The following PDGFD variants were observed in gnomAD, a reference collection of about 807,000 sequenced individuals.
PDGFD encodes the protein platelet-derived growth factor D.
Under a neutral mutation model 44.7 loss-of-function variants are expected in PDGFD, and 30 were observed. The ratio of observed to expected loss-of-function variants is 0.67; its 90% confidence interval spans 0.50 to 0.91. The LOEUF (loss-of-function observed/expected upper bound fraction) is 0.91. Ranked by LOEUF, PDGFD falls within the 40% of genes least tolerant of loss-of-function variation. The pLI is 0.00. For synonymous variants in PDGFD, 173 were observed against 168.4 expected, an observed-to-expected ratio of 1.03 and a Z score of -0.21; for missense variants, 445 against 457.8, an observed-to-expected ratio of 0.97 and a Z score of 0.25.
Position 103,996,129 on chromosome 11 carries a change from A to AT in PDGFD, c.445dup (p.Ile149AsnfsTer7). The AT allele has an allele frequency of 6.2e-7, 1 of 1,613,808 alleles. No homozygotes were observed. Among genetic ancestry groups the AT allele is most frequent in the Non-Finnish European group, 8.5e-7 (1 of 1,179,824 alleles). ...AAAGTAGTCATCGGACTTGAATGTG[A>AT]TTTTAATTTGGTTCGTTCTTGATTT... On this transcript the variant is annotated frameshift_variant, in exon 3 of 7. Transcript: ENST00000393158. LOFTEE classifies it high-confidence loss of function.
At chr11:103,934,021 T>C (rs1293641663) in intron 5 of PDGFD, among the ~76,000 whole-genome samples, 1 of 152,214 alleles carries the variant, frequency 6.6e-6, no homozygotes, top group East Asian at 1.9e-4. Flanking sequence ...GGTCTTAAAA[T>C]TTCTTGTTCT....
chr11:104,108,814 A>G (rs1591167759), intron 1 of PDGFD, among the ~76,000 whole-genome samples: 1 of 152,148 alleles, frequency 6.6e-6, no homozygotes, highest in African/African-American at 2.4e-5. Flanking sequence ...ATGTCCATCG[A>G]CGATAGACTG....
chr11:103,969,870 A>G (rs1859077737), intron 3 of PDGFD, among the ~76,000 whole-genome samples: 3 of 152,070 alleles, frequency 2.0e-5, no homozygotes, highest in Non-Finnish European at 4.4e-5. Flanking sequence ...AATTTTTGTG[A>G]GAAAACAAAA....
intron 1 of PDGFD, among the ~76,000 whole-genome samples, chr11:104,023,760 T>A (rs1056683931): frequency 2.6e-5 from 4 of 152,142 alleles, no homozygotes; most frequent in African/African-American, 9.6e-5. Context: ...AACTATCAGA[T>A]GGAATTTTAC....
chr11:104,007,348 T>C (rs763995510), intron 1 of PDGFD, among the ~76,000 whole-genome samples: 27 of 152,132 alleles, frequency 1.8e-4, no homozygotes, highest in Non-Finnish European at 2.5e-4. Flanking sequence ...AAGTCACCCC[T>C]GGCCCCAATA....
Position 104,035,826 on chromosome 11 carries a change from A to T in PDGFD, c.125-35571T>A, listed in dbSNP as rs187798434. Reference sequence around the variant, plus strand: ...TGGAGTGAGACCACTTTGCACCTGGAAGATGCTCATCCTTCAACATCCAGC... The same window carrying T: ...TGGAGTGAGACCACTTTGCACCTGGTAGATGCTCATCCTTCAACATCCAGC... On this transcript the variant is annotated intron_variant, in intron 1 of 6. Coordinates refer to ENST00000393158, the MANE Select transcript of PDGFD (RefSeq NM_025208.5). Among the ~76,000 whole-genome samples the T allele has an allele frequency of 2.0e-3, 309 of 152,282 alleles. 1 individual carries two copies. Among genetic ancestry groups the T allele is most frequent in the Admixed American group, 3.9e-3 (60 of 15,298 alleles).
At chr11:104,107,300 A>G (rs1371834148) in intron 1 of PDGFD, among the ~76,000 whole-genome samples, 1 of 152,122 alleles carries the variant, frequency 6.6e-6, no homozygotes, top group Non-Finnish European at 1.5e-5. Flanking sequence ...GCAAACTGCC[A>G]TGTTAGAGAG....
At chr11:103,971,697 TTA>T (rs2134344697) in intron 3 of PDGFD, among the ~76,000 whole-genome samples, 2 of 152,316 alleles carry the variant, frequency 1.3e-5, no homozygotes, top group African/African-American at 4.8e-5. Flanking sequence ...ACCTAGGACA[TTA>T]TGTTGTTTAT....
intron 1 of PDGFD, among the ~76,000 whole-genome samples, chr11:104,115,282 T>C (rs1012755793): frequency 2.7e-5 from 4 of 148,304 alleles, no homozygotes; most frequent in African/African-American, 1.0e-4. Context: ...TGTATGTATA[T>C]ACATATATAT....
chr11:103,947,832 C>T, intron 3 of PDGFD, 108 bp from the exon 4 acceptor site: 2 of 808,410 alleles, frequency 2.5e-6, no homozygotes, highest in Admixed American at 1.9e-5. Flanking sequence ...TAAGTGACAA[C>T]AGACATAGGG....
chr11:103,943,703 T>C (rs1204250149), intron 4 of PDGFD, 53 bp from the exon 5 acceptor site: 5 of 1,450,658 alleles, frequency 3.4e-6, no homozygotes, highest in East Asian at 2.3e-5. Flanking sequence ...TGCTGTGAAA[T>C]ACAACAGTCA....
At chr11:104,152,074 T>C (rs1475741281) in intron 1 of PDGFD, among the ~76,000 whole-genome samples, 1 of 152,204 alleles carries the variant, frequency 6.6e-6, no homozygotes, top group African/African-American at 2.4e-5. Flanking sequence ...TGACTATTTC[T>C]GCTCCATGGT....
intron 6 of PDGFD, among the ~76,000 whole-genome samples, chr11:103,919,502 CTTT>C (rs71037206): frequency 9.0e-5 from 8 of 88,762 alleles, no homozygotes; most frequent in African/African-American, 3.2e-4. Context: ...AAGATTCTTC[CTTT>C]TTTTTTTTTT....
At position 104,062,600 on chromosome 11, in the gene PDGFD, C is replaced by T. The variant is rs927117188; in HGVS notation, c.125-62345G>A. Reference sequence around the variant, plus strand: ...TTAATTCAATATATTTATTCATCCACTTAAATCTTGAGTTTATTGCAGTAG... The same window carrying T: ...TTAATTCAATATATTTATTCATCCATTTAAATCTTGAGTTTATTGCAGTAG... On this transcript the variant is annotated intron_variant, in intron 1 of 6. Transcript: ENST00000393158. 1.4e-4 allele frequency among the ~76,000 whole-genome samples: 22 copies of T among 152,296 alleles called. No homozygotes were observed. In the East Asian group the frequency reaches 4.0e-3, roughly 28 times the overall value.
At chr11:104,127,700 C>CGT (rs145674250) in intron 1 of PDGFD, among the ~76,000 whole-genome samples, 1 of 151,392 alleles carries the variant, frequency 6.6e-6, no homozygotes, top group East Asian at 1.9e-4. Context: ...GGTATGAATA[C>CGT]GTGTGTGTGT....
At chr11:104,026,646 T>C (rs911545069) in intron 1 of PDGFD, among the ~76,000 whole-genome samples, 21 of 152,222 alleles carry the variant, frequency 1.4e-4, no homozygotes, top group African/African-American at 5.1e-4. Flanking sequence ...TGCTATCATT[T>C]GTCTAGAGCA....
At chr11:104,068,039 A>T (rs1008761853) in intron 1 of PDGFD, among the ~76,000 whole-genome samples, 1 of 152,210 alleles carries the variant, frequency 6.6e-6, no homozygotes, top group Non-Finnish European at 1.5e-5. Flanking sequence ...ATGTTAACAC[A>T]TTAAAGAGTA....
chr11:104,075,687 G>C (rs1008203047), intron 1 of PDGFD, among the ~76,000 whole-genome samples: 1 of 151,984 alleles, frequency 6.6e-6, no homozygotes, highest in Non-Finnish European at 1.5e-5. Flanking sequence ...AACCTTGGTA[G>C]ATACCTCCTA....
chr11:104,115,779 G>A (rs1020861392), intron 1 of PDGFD, among the ~76,000 whole-genome samples: 5 of 152,058 alleles, frequency 3.3e-5, no homozygotes, highest in South Asian at 2.1e-4. Flanking sequence ...GCATTTCCCT[G>A]ATCATTAGTG....
Sources: gnomAD v4.1 joint callset for allele counts (sites outside exome capture counted in the v4.1 genomes callset) on GRCh38, gnomAD v4.1.1 for gene constraint, MANE v1.5 for transcripts, NCBI Gene and HGNC (gene_info 2026-07-23, HGNC 2026-07-21) for gene names.